GRIK5: variants seen among roughly 807,000 people sequenced by gnomAD.
The protein encoded by GRIK5 is glutamate ionotropic receptor kainate type subunit 5.
In GRIK5, 43 loss-of-function variants were observed where a neutral mutation model predicts 97.4. That is an observed-to-expected ratio of 0.44 (90% CI 0.35 to 0.57). The LOEUF (loss-of-function observed/expected upper bound fraction) is 0.57, where lower values mean the gene tolerates loss of function less well. GRIK5 is among the 20% of genes least tolerant of loss of function. The probability of loss-of-function intolerance (pLI) is 0.01; values close to 1 mark genes in which losing one functional copy is unlikely to be tolerated. For synonymous variants in GRIK5, 580 were observed against 583.5 expected (o/e 0.99, Z 0.09); for missense variants, 1,015 against 1,382.0 (o/e 0.73, Z 4.21).
intron 12 of GRIK5, among the ~76,000 whole-genome samples, chr19:42,027,006 G>A (rs974351862): frequency 1.3e-5 from 2 of 151,950 alleles, no homozygotes; most frequent in Admixed American, 6.6e-5. Context: ...AAAACGTCCC[G>A]CACCATCCAA....
At chr19:42,048,515 G>A (rs143226180) in intron 11 of GRIK5, among the ~76,000 whole-genome samples, 2,690 of 152,286 alleles carry the variant, frequency 0.018, 71 homozygotes, top group African/African-American at 0.062. Flanking sequence ...AGCTACTTGG[G>A]AGGCTGAGGC....
intron 11 of GRIK5, among the ~76,000 whole-genome samples, chr19:42,051,630 C>A (rs573554125): frequency 6.6e-6 from 1 of 152,314 alleles, no homozygotes; most frequent in African/African-American, 2.4e-5. Context: ...GATAGAGCAG[C>A]GAATGAGACA....
intron 12 of GRIK5, among the ~76,000 whole-genome samples, chr19:42,025,215 T>TGGTCCCCAGAGC (rs1161577430): frequency 2.4e-4 from 36 of 151,986 alleles, no homozygotes; most frequent in Non-Finnish European, 4.7e-4. Flanking sequence ...TTCCCCAGAG[T>TGGTCCCCAGAGC]AGACTGGTCC....
rs2075988307 is a variant in GRIK5 at position 42,042,439 on chromosome 19, T to C, written c.1473+113A>G. The stretch of plus-strand genomic sequence containing the variant: ...GGTGTCAGGGGCCCTTCATGGCTCC[T>C]TCCTCTTCTGCCACCAGCCAGGCTG... On this transcript the variant is annotated intron_variant, in intron 12 of 19. Coordinates refer to ENST00000593562, the MANE Select transcript of GRIK5 (RefSeq NM_002088.5). The surrounding 1 kb of genome is among the most constrained non-coding windows in gnomAD (Gnocchi z 6.9). 5.4e-6 allele frequency: 5 copies of C among 929,018 alleles called. No individual in the cohort carries two copies. The East Asian group carries it at 9.9e-5, about 18-fold the overall frequency. 57.5% of individuals were successfully genotyped at this position (929,018 alleles called of 1,614,324 possible). A position where few individuals can be genotyped will look rare whatever the true frequency, so the allele number is the denominator to read the frequency against.
intron 11 of GRIK5, among the ~76,000 whole-genome samples, chr19:42,050,573 G>T (rs1318904345): frequency 6.6e-6 from 1 of 151,428 alleles, no homozygotes; most frequent in Non-Finnish European, 1.5e-5. Flanking sequence ...CAGAAGAATG[G>T]TGTGAACCCA....
chr19:42,003,305 G>GGGCCCC lies in GRIK5; in HGVS notation c.2514+26_2514+27insGGGGCC. ...TCAGCCCCTGGGGGTCCCTGTTCCT[G>GGGCCCC]CCCACCCCCACCCCCAGCCTCCTCA... is the stretch of plus-strand genomic sequence containing the variant. On this transcript the variant is annotated intron_variant, in intron 19 of 19. Transcript: ENST00000593562. The surrounding 1 kb of genome is among the most constrained non-coding windows in gnomAD (Gnocchi z 4.2). 28 of 1,540,708 alleles carry GGGCCCC rather than the reference G, an allele frequency of 1.8e-5. No homozygotes were observed. The highest frequency in any genetic ancestry group is 2.1e-5 in the Non-Finnish European group (24 of 1,118,174).
chr19:42,002,263 A>G lies in GRIK5; in HGVS notation c.2514+1069T>C, dbSNP rs782455661. Reference sequence around the variant, plus strand: ...CCCCACTGCTGCCAAGGCTGTAAAGAGAAGGGAAGAAAGTGGGCGGTGGCT... The same window carrying G: ...CCCCACTGCTGCCAAGGCTGTAAAGGGAAGGGAAGAAAGTGGGCGGTGGCT... On this transcript the variant is annotated intron_variant, in intron 19 of 19. Coordinates refer to ENST00000593562, the MANE Select transcript of GRIK5 (RefSeq NM_002088.5). This position sits in a 1 kb window ranked among gnomAD's most constrained non-coding sequence, Gnocchi z 5.2. 5 of 717,694 alleles carry G rather than the reference A, an allele frequency of 7.0e-6. No individual in the cohort carries two copies. The South Asian group carries it at 7.4e-5, about 11-fold the overall frequency. The allele number at this position is 717,694 out of a possible 1,614,324, so 44.5% of individuals were successfully genotyped here. A position where few individuals can be genotyped will look rare whatever the true frequency, so the allele number is the denominator to read the frequency against.
At chr19:42,029,842 T>C (rs1465137789) in intron 12 of GRIK5, among the ~76,000 whole-genome samples, 1 of 151,988 alleles carries the variant, frequency 6.6e-6, no homozygotes, top group African/African-American at 2.4e-5. Context: ...CACATCCCAA[T>C]GTGGTATGAG....
chr19:42,066,423 A>T (rs1277912068), intron 1 of GRIK5, among the ~76,000 whole-genome samples: 1 of 151,136 alleles, frequency 6.6e-6, no homozygotes, highest in Non-Finnish European at 1.5e-5. Context: ...AAAGAGAGAG[A>T]GGCACACACA....
In GRIK5 at chr19:42,004,601, C is replaced by T. The variant is rs571994454; in HGVS notation, c.2264-918G>A. 3.3e-5 allele frequency among the ~76,000 whole-genome samples: 5 copies of T among 152,274 alleles called. No individual in the cohort carries two copies. In the South Asian group the frequency reaches 6.2e-4, roughly 19 times the overall value. ...AGTGATACACTTGCTTAAGACTGTG[C>T]ACTGAGTCAGGGAGGAAACTGAGAT... On this transcript the variant is annotated intron_variant, in intron 17 of 19. Coordinates refer to ENST00000593562, the MANE Select transcript of GRIK5 (RefSeq NM_002088.5).
At chr19:42,031,903 T>C (rs2075845216) in intron 12 of GRIK5, among the ~76,000 whole-genome samples, 1 of 152,160 alleles carries the variant, frequency 6.6e-6, no homozygotes, top group Admixed American at 6.5e-5. Context: ...GAGGCCAAAA[T>C]GGGTGAACCA....
rs1420812563 is a variant in GRIK5, at chr19:42,006,849, C to A, written c.1872-39G>T. The A allele has an allele frequency of 4.7e-6, 7 of 1,502,002 alleles. No individual in the cohort carries two copies. In the African/African-American group the frequency reaches 5.5e-5, roughly 12 times the overall value. The allele number at this position is 1,502,002 out of a possible 1,614,324, so 93.0% of individuals were successfully genotyped here. A position where few individuals can be genotyped will look rare whatever the true frequency, so the allele number is the denominator to read the frequency against. ...GGGGTGAGTCACGGGCTGGAGTCAC[C>A]CCTGCTGACCTGCCCCCGTGGCCAT... On this transcript the variant is annotated intron_variant, in intron 15 of 19. Transcript: ENST00000593562. This position sits in a 1 kb window ranked among gnomAD's most constrained non-coding sequence, Gnocchi z 5.3.
intron 15 of GRIK5, among the ~76,000 whole-genome samples, chr19:42,009,222 C>T (rs1367400484): frequency 2.0e-5 from 3 of 151,906 alleles, no homozygotes; most frequent in Non-Finnish European, 4.4e-5. Context: ...GAGACCTTAT[C>T]GTTATTTTTT....
rs1050872672 is a variant in GRIK5 at position 42,014,028 on chromosome 19, C to CAA, written c.1872-7220_1872-7219dup. 7.9e-3 allele frequency among the ~76,000 whole-genome samples: 554 copies of CAA among 69,688 alleles called. 4 individuals carry two copies. The highest frequency in any genetic ancestry group is 0.027 in the African/African-American group (528 of 19,512). The allele number at this position is 69,688 out of a possible 152,430, so 45.7% of individuals were successfully genotyped here. On this transcript the variant is annotated intron_variant, in intron 15 of 19. Coordinates refer to ENST00000593562, the MANE Select transcript of GRIK5 (RefSeq NM_002088.5). The stretch of plus-strand genomic sequence containing the variant: ...TGAGTGACAGAACAAGACTCCATCT[C>CAA]AAAAAAAAAAAAAAAAAATCACCTG...
Position 41,999,104 on chromosome 19 carries a change from C to A in GRIK5, c.2710G>T (p.Gly904Trp). ...GAGGDAGSAH[G>W]GPQRLLDDPG... is the part of the protein sequence containing the mutation. Reference sequence around the variant, plus strand: ...TCGTCCAGGAGGCGCTGCGGGCCCCCGTGCGCGCTGCCCGCATCCCCGCCC... The same window carrying A: ...TCGTCCAGGAGGCGCTGCGGGCCCCAGTGCGCGCTGCCCGCATCCCCGCCC... Residue 904 changes from glycine to tryptophan, a missense_variant, in exon 20 of 20, where the codon GGG (glycine) becomes TGG (tryptophan). Gly to Trp is a radical substitution (Grantham distance 184). Around this residue, in one of 5 missense-constraint regions of GRIK5, gnomAD observed 229 missense variants for 341.0 expected, o/e 0.67. Coordinates refer to ENST00000593562, the MANE Select transcript of GRIK5 (RefSeq NM_002088.5). This position sits in a 1 kb window ranked among gnomAD's most constrained non-coding sequence, Gnocchi z 5.0. The A allele has an allele frequency of 7.3e-7, 1 of 1,368,352 alleles. No individual in the cohort carries two copies. The highest frequency in any genetic ancestry group is 1.7e-5 in the South Asian group (1 of 59,368). 84.8% of individuals were successfully genotyped at this position (1,368,352 alleles called of 1,614,324 possible). A position where few individuals can be genotyped will look rare whatever the true frequency, so the allele number is the denominator to read the frequency against.
At chr19:42,010,791 T>C (rs1008809527) in intron 15 of GRIK5, among the ~76,000 whole-genome samples, 1 of 152,190 alleles carries the variant, frequency 6.6e-6, no homozygotes, top group Admixed American at 6.5e-5. Context: ...TATTCCTCAC[T>C]TTCAAATTTC....
In GRIK5 at chr19:42,065,436, G is replaced by A; in HGVS notation, c.80-49C>T. ...ACCAGACTCCTGAGTCCTGAGGAAG[G>A]AGGGGGCTGTGGTCTTAGACTCCAG... On this transcript the variant is annotated intron_variant, in intron 2 of 19. Transcript: ENST00000593562. The surrounding 1 kb of genome is among the most constrained non-coding windows in gnomAD (Gnocchi z 5.8). The A allele has an allele frequency of 2.6e-6, 4 of 1,529,964 alleles. No homozygotes were observed. The highest frequency in any genetic ancestry group is 3.5e-6 in the Non-Finnish European group (4 of 1,135,104). The allele number at this position is 1,529,964 out of a possible 1,614,324, so 94.8% of individuals were successfully genotyped here.
rs775845621 is a variant in GRIK5, at chr19:42,053,670, C to T, written c.1201G>A (p.Ala401Thr). ...WYSNRTLAMN[A>T]TTLDINLSQT... Reference sequence around the variant, plus strand: ...GACAGGTTGATGTCCAGGGTGGTGGCATTCATGGCCAGGGTGCGGTTAGAG... The same window carrying T: ...GACAGGTTGATGTCCAGGGTGGTGGTATTCATGGCCAGGGTGCGGTTAGAG... Residue 401 changes from alanine to threonine, a missense_variant, in exon 11 of 20, where the codon GCC (alanine) becomes ACC (threonine). Coordinates refer to ENST00000593562, the MANE Select transcript of GRIK5 (RefSeq NM_002088.5). The T allele has an allele frequency of 1.2e-6, 2 of 1,613,580 alleles. No individual in the cohort carries two copies. Among genetic ancestry groups the T allele is most frequent in the South Asian group, 2.2e-5 (2 of 91,068 alleles).
rs2075486918 is a variant in GRIK5, at chr19:42,006,106, A to G, written c.2038-158T>C. On this transcript the variant is annotated intron_variant, in intron 16 of 19. Coordinates refer to ENST00000593562, the MANE Select transcript of GRIK5 (RefSeq NM_002088.5). This position sits in a 1 kb window ranked among gnomAD's most constrained non-coding sequence, Gnocchi z 5.3. ...AAGGTAGAGGAGAGAGAGGAGATGG[A>G]CAAACTGTCCAGGCCAGGTCCAAGT... is the stretch of plus-strand genomic sequence containing the variant. Among the ~76,000 whole-genome samples the G allele has an allele frequency of 6.6e-6, 1 of 152,102 alleles. No individual in the cohort carries two copies. The highest frequency in any genetic ancestry group is 2.4e-5 in the African/African-American group (1 of 41,398).
Sources: allele counts gnomAD v4.1 joint callset (sites outside exome capture counted in the v4.1 genomes callset), GRCh38; gene constraint gnomAD v4.1.1; regional missense constraint gnomAD v4.1.1; non-coding constraint Gnocchi (gnomAD v3.1); transcripts MANE v1.5; gene names NCBI Gene and HGNC (gene_info 2026-07-23, HGNC 2026-07-21).